HNRNPLL: variants seen among roughly 807,000 people sequenced by gnomAD.
HNRNPLL encodes heterogeneous nuclear ribonucleoprotein L-like.
In HNRNPLL, 25 loss-of-function variants were observed where a neutral mutation model predicts 67.1. The observed-to-expected ratio is 0.37, with a 90% CI of 0.27 to 0.52. The LOEUF (loss-of-function observed/expected upper bound fraction) is 0.52. Ranked by LOEUF, HNRNPLL falls within the 20% of genes least tolerant of loss-of-function variation. HNRNPLL has a pLI of 0.90. For missense variants in HNRNPLL, 542 were observed against 673.9 expected, an observed-to-expected ratio of 0.80 and a Z score of 2.17; for synonymous variants, 267 against 241.7, an observed-to-expected ratio of 1.10 and a Z score of -0.97.
intron 8 of HNRNPLL, among the ~76,000 whole-genome samples, chr2:38,571,063 A>T (rs1342321992): frequency 1.6e-4 from 24 of 152,082 alleles, no homozygotes; most frequent in Non-Finnish European, 2.9e-5. Context: ...ACACACAAAA[A>T]AACTGTAGAC....
intron 1 of HNRNPLL, among the ~76,000 whole-genome samples, chr2:38,597,697 T>TA (rs932130511): frequency 2.0e-5 from 3 of 151,850 alleles, no homozygotes; most frequent in East Asian, 1.9e-4. Flanking sequence ...TTTTATTTTT[T>TA]TTTTTTTTTG....
At chr2:38,588,924 G>A (rs1666848604) in intron 2 of HNRNPLL, among the ~76,000 whole-genome samples, 2 of 151,902 alleles carry the variant, frequency 1.3e-5, no homozygotes, top group Admixed American at 6.6e-5. Context: ...AAAAGCTAAG[G>A]GACATGGTAG....
At chr2:38,593,537 A>G (rs777509943) in intron 1 of HNRNPLL, among the ~76,000 whole-genome samples, 17 of 152,226 alleles carry the variant, frequency 1.1e-4, no homozygotes, top group Non-Finnish European at 2.2e-4. Flanking sequence ...AACTCTTCAA[A>G]AAGTTAGTAT....
chr2:38,588,314 C>T (rs528260491), intron 2 of HNRNPLL, among the ~76,000 whole-genome samples: 1 of 151,908 alleles, frequency 6.6e-6, no homozygotes, highest in African/African-American at 2.4e-5. Context: ...CTTTGGGAGG[C>T]GGAGGTGGGT....
At chr2:38,594,887 T>C (rs1189639060) in intron 1 of HNRNPLL, among the ~76,000 whole-genome samples, 1 of 152,046 alleles carries the variant, frequency 6.6e-6, no homozygotes, top group Admixed American at 6.5e-5. Context: ...AAGGTTGCAG[T>C]GAACTGAGAT....
At chr2:38,585,497 G>A in intron 3 of HNRNPLL, 147 bp downstream of exon 3, 1 of 598,786 alleles carries the variant, frequency 1.7e-6, no homozygotes, top group African/African-American at 1.9e-5. Context: ...TTTTTTCTTT[G>A]TTCATTAAAC....
At chr2:38,579,412 T>TAATAA (rs916501874) in intron 6 of HNRNPLL, among the ~76,000 whole-genome samples, 1 of 151,628 alleles carries the variant, frequency 6.6e-6, no homozygotes, top group African/African-American at 2.4e-5. Context: ...AGTATAATAA[T>TAATAA]AATAAAATAA....
At chr2:38,574,103 A>G (rs895119685) in intron 7 of HNRNPLL, among the ~76,000 whole-genome samples, 46 of 151,940 alleles carry the variant, frequency 3.0e-4, no homozygotes, top group African/African-American at 1.0e-3. Context: ...AGAAAAACAC[A>G]CTCAAATCTA....
At chr2:38,590,816 T>C (rs1666930220) in intron 2 of HNRNPLL, among the ~76,000 whole-genome samples, 1 of 152,070 alleles carries the variant, frequency 6.6e-6, no homozygotes, top group South Asian at 2.1e-4. Flanking sequence ...GCTGAGGCAA[T>C]GTTAAGAGAC....
chr2:38,564,613 CA>C (rs70954732), intron 12 of HNRNPLL, among the ~76,000 whole-genome samples: 387 of 36,992 alleles, frequency 0.01, no homozygotes, highest in East Asian at 0.039. Flanking sequence ...GACTCCGTCT[CA>C]AAAAAAAAAA....
At chr2:38,572,497 G>C (rs1001232654) in intron 8 of HNRNPLL, among the ~76,000 whole-genome samples, 1 of 151,824 alleles carries the variant, frequency 6.6e-6, no homozygotes, top group East Asian at 1.9e-4. Flanking sequence ...TCAAACTACT[G>C]GTAACTTAAG....
intron 8 of HNRNPLL, among the ~76,000 whole-genome samples, chr2:38,570,999 G>A (rs773556434): frequency 9.2e-5 from 14 of 152,154 alleles, no homozygotes; most frequent in African/African-American, 2.6e-4. Flanking sequence ...AATCTATGAC[G>A]GTGCCACTGT....
intron 6 of HNRNPLL, among the ~76,000 whole-genome samples, chr2:38,579,609 C>G (rs1463432676): frequency 6.6e-6 from 1 of 151,890 alleles, no homozygotes; most frequent in Non-Finnish European, 1.5e-5. Context: ...AAAGATGCAC[C>G]TATCTACTAC....
Position 38,602,884 on chromosome 2 carries a change from C to T in HNRNPLL, c.-258G>A. 1.9e-6 allele frequency: 3 copies of T among 1,548,570 alleles called. No homozygotes were observed. Among genetic ancestry groups the T allele is most frequent in the Non-Finnish European group, 2.6e-6 (3 of 1,145,696 alleles). On this transcript the variant is annotated 5_prime_UTR_variant, in exon 1 of 13. Transcript: ENST00000449105. ...AGCCAACATTCAGCCTCTCCCTCCT[C>T]CTCCTCCGTCTCCGCTCCCTGCCCG...
At chr2:38,596,656 C>T (rs984129278) in intron 1 of HNRNPLL, among the ~76,000 whole-genome samples, 1 of 151,998 alleles carries the variant, frequency 6.6e-6, no homozygotes, top group Non-Finnish European at 1.5e-5. Context: ...TTGTTTTTAC[C>T]CCCCAACAAT....
intron 1 of HNRNPLL, among the ~76,000 whole-genome samples, chr2:38,591,975 C>CA (rs202223559): frequency 0.012 from 1,846 of 150,472 alleles, 35 homozygotes; most frequent in African/African-American, 0.042. Context: ...GACTCCATCT[C>CA]AAAAAAAACA....
At chr2:38,599,293 C>G (rs1299476462) in intron 1 of HNRNPLL, among the ~76,000 whole-genome samples, 1 of 152,140 alleles carries the variant, frequency 6.6e-6, no homozygotes, top group African/African-American at 2.4e-5. Context: ...TATTCACTAG[C>G]AGAAAACAGA....
At chr2:38,564,865 A>C (rs1665796938) in intron 12 of HNRNPLL, among the ~76,000 whole-genome samples, 1 of 152,026 alleles carries the variant, frequency 6.6e-6, no homozygotes, top group Non-Finnish European at 1.5e-5. Flanking sequence ...TATAAAAGCC[A>C]ATTCAAATAC....
intron 1 of HNRNPLL, among the ~76,000 whole-genome samples, chr2:38,592,479 A>C (rs1343415277): frequency 6.6e-6 from 1 of 152,254 alleles, no homozygotes; most frequent in Admixed American, 6.5e-5. Context: ...CATTAAACAC[A>C]TGACAACTTA....
Sources: allele counts gnomAD v4.1 joint callset (sites outside exome capture counted in the v4.1 genomes callset), GRCh38; gene constraint gnomAD v4.1.1; transcripts MANE v1.5; gene names NCBI Gene and HGNC (gene_info 2026-07-23, HGNC 2026-07-21).